SEPSECS: variants seen among roughly 807,000 people sequenced by gnomAD.
SEPSECS encodes the protein Sep (O-phosphoserine) tRNA:Sec (selenocysteine) tRNA synthase, also known as O-phosphoseryl-tRNA(Sec) selenium transferase.
Under a neutral mutation model 52.1 loss-of-function variants are expected in SEPSECS, and 42 were observed. The ratio of observed to expected loss-of-function variants is 0.81; its 90% CI spans 0.63 to 1.04. The LOEUF (loss-of-function observed/expected upper bound fraction) is 1.04. Ranked by LOEUF, SEPSECS falls within the 50% of genes least tolerant of loss-of-function variation. SEPSECS has a pLI of 0.00. For synonymous variants in SEPSECS, 216 were observed against 211.4 expected (o/e 1.02, Z -0.19); for missense variants, 590 against 610.6 (o/e 0.97, Z 0.36).
chr4:25,157,689 C>T (rs963357189), intron 2 of SEPSECS, among the ~76,000 whole-genome samples: 7 of 152,082 alleles, frequency 4.6e-5, no homozygotes, highest in African/African-American at 7.2e-5. Context: ...GGACTACAGG[C>T]GCCCGCCACC....
Position 25,134,083 on chromosome 4 carries a change from A to G in SEPSECS, c.1027-6726T>C, listed in dbSNP as rs550027955. ...AAGGCTGCAGTGAGCCATGATCATG[A>G]CACTACACTCCAGCCTGGGTGACAG... On this transcript the variant is annotated intron_variant, in intron 8 of 10. Coordinates refer to ENST00000382103, the MANE Select transcript of SEPSECS (RefSeq NM_016955.4). Among the ~76,000 whole-genome samples, 86 of 144,966 alleles carry G rather than the reference A, an allele frequency of 5.9e-4. 1 individual carries two copies. The South Asian group carries it at 0.019, about 32-fold the overall frequency.
intron 6 of SEPSECS, among the ~76,000 whole-genome samples, chr4:25,148,229 T>A (rs998405260): frequency 6.6e-6 from 1 of 151,818 alleles, no homozygotes; most frequent in Admixed American, 6.6e-5. Context: ...GGTGGGCGCC[T>A]GTAGTCCCAG....
intron 9 of SEPSECS, among the ~76,000 whole-genome samples, chr4:25,126,581 T>C (rs999285662): frequency 1.3e-5 from 2 of 152,218 alleles, no homozygotes; most frequent in African/African-American, 4.8e-5. Context: ...GGGGTAATTA[T>C]GAAGCTTAAA....
chr4:25,133,079 G>A (rs1435404901), intron 8 of SEPSECS, among the ~76,000 whole-genome samples: 4 of 152,094 alleles, frequency 2.6e-5, no homozygotes, highest in African/African-American at 9.7e-5. Flanking sequence ...GCATACAGCA[G>A]AGACATTCAT....
chr4:25,155,081 C>G lies in SEPSECS; in HGVS notation c.618G>C (p.Glu206Asp). The G allele has an allele frequency of 2.5e-6, 4 of 1,614,100 alleles. No individual in the cohort carries two copies. In the East Asian group the frequency reaches 8.9e-5, roughly 36 times the overall value. ...CAGGCCCAAGTTCCTGGACTTTAGC[C>G]TCCACTGCTTTCAGGTCTGTACGCA... ...DELRTDLKAVEAKVQELGPDC... is the reference protein window; with the variant it reads ...DELRTDLKAVDAKVQELGPDC... The change falls in exon 5 of 11, where the codon GAG (glutamate) becomes GAC (aspartate). Residue 206 changes from glutamate (E) to aspartate (D), a missense_variant. Transcript: ENST00000382103.
At chr4:25,149,320 C>G (rs989005282) in intron 6 of SEPSECS, among the ~76,000 whole-genome samples, 2 of 152,104 alleles carry the variant, frequency 1.3e-5, no homozygotes, top group Non-Finnish European at 2.9e-5. Flanking sequence ...CAAGCTTCAG[C>G]CTTCCAAAGT....
chr4:25,158,501 C>G (rs1712827556), intron 2 of SEPSECS, among the ~76,000 whole-genome samples: 1 of 150,566 alleles, frequency 6.6e-6, no homozygotes, highest in Non-Finnish European at 1.5e-5. Context: ...TCTATTGCAA[C>G]AGAGGTATTT....
At chr4:25,132,032 T>C (rs150619215) in intron 8 of SEPSECS, among the ~76,000 whole-genome samples, 1 of 152,098 alleles carries the variant, frequency 6.6e-6, no homozygotes, top group East Asian at 1.9e-4. Flanking sequence ...CTCCCCTCAA[T>C]GAAGCAAATG....
intron 8 of SEPSECS, among the ~76,000 whole-genome samples, chr4:25,136,059 T>C (rs1260421869): frequency 1.3e-5 from 2 of 151,122 alleles, no homozygotes; most frequent in Non-Finnish European, 1.5e-5. Context: ...TATCTCAAAA[T>C]AATAATAGCC....
At chr4:25,156,478 G>A (rs1056702668) in intron 3 of SEPSECS, among the ~76,000 whole-genome samples, 23 of 151,688 alleles carry the variant, frequency 1.5e-4, no homozygotes, top group African/African-American at 5.1e-4. Context: ...GCCAAGGCGG[G>A]CGGATCACGA....
intron 1 of SEPSECS, chr4:25,159,991 C>G: frequency 1.0e-6 from 1 of 985,400 alleles, no homozygotes; most frequent in Admixed American, 6.1e-5. Context: ...TCCCTCACTT[C>G]CGCATCCCGA....
rs1728154397 is a variant in SEPSECS at position 25,122,192 on chromosome 4, A to C, written c.*1739T>G. On this transcript the variant is annotated 3_prime_UTR_variant, in exon 11 of 11. Transcript: ENST00000382103. ...TGAACCCCAAAGATAAAATAAATAC[A>C]TTTTTAAATAACCTTCATGATATTC... 1 of 152,146 alleles carries C rather than the reference A, an allele frequency of 6.6e-6. No individual in the cohort carries two copies. The highest frequency in any genetic ancestry group is 1.9e-4 in the East Asian group (1 of 5,196). The allele number at this position is 152,146 out of a possible 1,614,324, so 9.4% of individuals were successfully genotyped here.
At chr4:25,133,597 T>C (rs756169940) in intron 8 of SEPSECS, among the ~76,000 whole-genome samples, 7 of 152,072 alleles carry the variant, frequency 4.6e-5, no homozygotes, top group Non-Finnish European at 7.4e-5. Context: ...AGACAGAACA[T>C]CAAGACATAA....
chr4:25,153,260 C>T (rs1465702225), intron 5 of SEPSECS, among the ~76,000 whole-genome samples: 1 of 151,672 alleles, frequency 6.6e-6, no homozygotes, highest in Non-Finnish European at 1.5e-5. Context: ...GTATTTTCTT[C>T]ATAAAATAAA....
chr4:25,131,529 C>T (rs1345870816), intron 8 of SEPSECS, among the ~76,000 whole-genome samples: 2 of 152,154 alleles, frequency 1.3e-5, no homozygotes, highest in East Asian at 3.8e-4. Context: ...TAAAAGGATC[C>T]AGGAGCAAGT....
intron 10 of SEPSECS, chr4:25,125,467 G>C (rs1406668433): frequency 9.1e-6 from 5 of 547,364 alleles, no homozygotes; most frequent in Non-Finnish European, 1.6e-5. Context: ...GTACATCTAT[G>C]AAAACAAACA....
Position 25,132,517 on chromosome 4 carries a change from A to G in SEPSECS, c.1027-5160T>C, listed in dbSNP as rs375748809. ...AATAAAAAAACAATATTTATGCTACATATATGCAATTATGGTTTATGGAGG... is the reference window on the plus strand; with the variant it reads ...AATAAAAAAACAATATTTATGCTACGTATATGCAATTATGGTTTATGGAGG... On this transcript the variant is annotated intron_variant, in intron 8 of 10. Transcript: ENST00000382103. Among the ~76,000 whole-genome samples the G allele has an allele frequency of 4.2e-4, 64 of 152,354 alleles. 2 individuals are homozygous for G. In the South Asian group the frequency reaches 0.013, roughly 32 times the overall value.
intron 2 of SEPSECS, among the ~76,000 whole-genome samples, chr4:25,158,276 C>A (rs920756915): frequency 6.6e-6 from 1 of 151,948 alleles, no homozygotes; most frequent in Non-Finnish European, 1.5e-5. Flanking sequence ...TCTACGATGC[C>A]CAGGAAATTT....
intron 8 of SEPSECS, among the ~76,000 whole-genome samples, chr4:25,129,173 T>C (rs1728510476): frequency 6.6e-6 from 1 of 152,190 alleles, no homozygotes; most frequent in African/African-American, 2.4e-5. Context: ...AGTTAACATC[T>C]ACTATGGCCA....
Sources: gnomAD v4.1 joint callset for allele counts (sites outside exome capture counted in the v4.1 genomes callset) on GRCh38, gnomAD v4.1.1 for gene constraint, MANE v1.5 for transcripts, NCBI Gene and HGNC (gene_info 2026-07-23, HGNC 2026-07-21) for gene names.